Variants in CNTNAP2 observed in about 807,000 individuals in gnomAD.
CNTNAP2 encodes the protein contactin associated protein 2.
Under a neutral mutation model 155.2 loss-of-function variants are expected in CNTNAP2, and 98 were observed. That is an observed-to-expected ratio of 0.63 (90% CI 0.54 to 0.75). CNTNAP2 has a LOEUF of 0.75. Among genes scored for constraint, CNTNAP2 ranks in the 30% least tolerant of loss-of-function variants. The probability of loss-of-function intolerance (pLI) is 0.00; values close to 1 mark genes in which losing one functional copy is unlikely to be tolerated. For synonymous variants in CNTNAP2, 651 were observed against 631.2 expected, an observed-to-expected ratio of 1.03 and a Z score of -0.47; for missense variants, 1,727 against 1,688.1, an observed-to-expected ratio of 1.02 and a Z score of -0.40.
rs528109492 is a variant in CNTNAP2 at position 147,793,708 on chromosome 7, C to T, written c.2099-109857C>T. Among the ~76,000 whole-genome samples the T allele has an allele frequency of 3.3e-5, 5 of 152,130 alleles. No individual in the cohort carries two copies. The East Asian group carries it at 9.6e-4, about 29-fold the overall frequency. On this transcript the variant is annotated intron_variant, in intron 13 of 23. Coordinates refer to ENST00000361727, the MANE Select transcript of CNTNAP2 (RefSeq NM_014141.6). ...AGCTTGTCAATTTCTACAAAGAAAT[C>T]AGGTGGGGATTTAATACAGGTTGCA...
intron 15 of CNTNAP2, among the ~76,000 whole-genome samples, chr7:148,115,106 G>A (rs1229585698): frequency 1.3e-5 from 2 of 152,210 alleles, no homozygotes; most frequent in South Asian, 2.1e-4. Flanking sequence ...CCCCGTGAAT[G>A]AGTCTATTCA....
chr7:147,623,110 G>A (rs573449020), intron 12 of CNTNAP2, among the ~76,000 whole-genome samples: 74 of 151,986 alleles, frequency 4.9e-4, no homozygotes, highest in African/African-American at 1.3e-3. Context: ...TAACAAGATC[G>A]AAGCTATAAT....
rs146606554 is a variant in CNTNAP2, at chr7:148,271,963, A to C, written c.3475+4837A>C. ...TTTATAGGATCAGTTTCTGCTACTC[A>C]GAAACTGATTCTATAAAAGAAAGAG... On this transcript the variant is annotated intron_variant, in intron 21 of 23. Transcript: ENST00000361727. Among the ~76,000 whole-genome samples, 1,038 of 152,250 alleles carry C rather than the reference A, an allele frequency of 6.8e-3. 11 individuals are homozygous for C. Among genetic ancestry groups the C allele is most frequent in the Middle Eastern group, 0.024 (7 of 294 alleles).
At chr7:146,123,836 C>G in intron 1 of CNTNAP2, among the ~76,000 whole-genome samples, 1 of 152,050 alleles carries the variant, frequency 6.6e-6, no homozygotes, top group Middle Eastern at 3.2e-3. Flanking sequence ...ATAGAAAAGG[C>G]TTGAAACCAA....
chr7:147,230,155 T>G (rs1398514224), intron 8 of CNTNAP2, among the ~76,000 whole-genome samples: 1 of 152,214 alleles, frequency 6.6e-6, no homozygotes, highest in Non-Finnish European at 1.5e-5. Flanking sequence ...TAAACTGTTA[T>G]TTACTGAGTT....
At chr7:147,629,721 T>G (rs1795050070) in intron 12 of CNTNAP2, among the ~76,000 whole-genome samples, 1 of 152,036 alleles carries the variant, frequency 6.6e-6, no homozygotes, top group Admixed American at 6.6e-5. Context: ...CACCTGTTCC[T>G]TAATGATCAT....
At chr7:146,151,682 G>GTATATATATATATATGTATA (rs1271837030) in intron 1 of CNTNAP2, among the ~76,000 whole-genome samples, 12 of 74,138 alleles carry the variant, frequency 1.6e-4, no homozygotes, top group South Asian at 5.3e-4. Context: ...ATATATATAT[G>GTATATATATATATATGTATA]TATATATATA....
intron 8 of CNTNAP2, among the ~76,000 whole-genome samples, chr7:147,142,285 T>G (rs1047710084): frequency 2.3e-4 from 35 of 152,160 alleles, no homozygotes; most frequent in African/African-American, 7.7e-4. Flanking sequence ...TAGCATGAAG[T>G]GTTGTTGAAT....
chr7:148,096,279 ATG>A (rs3056207), intron 15 of CNTNAP2, among the ~76,000 whole-genome samples: 9,665 of 144,392 alleles, frequency 0.067, 546 homozygotes, highest in African/African-American at 0.15. Context: ...GCATGCATGC[ATG>A]TGTGTGTGTG....
At chr7:148,157,571 C>CAAGAAAAAAAA (rs1805422424) in intron 17 of CNTNAP2, among the ~76,000 whole-genome samples, 5 of 111,226 alleles carry the variant, frequency 4.5e-5, no homozygotes, top group African/African-American at 1.8e-4. Context: ...GCAGAAGCAG[C>CAAGAAAAAAAA]AAAAAAAAAA....
At chr7:147,923,917 G>A (rs976447857) in intron 14 of CNTNAP2, among the ~76,000 whole-genome samples, 1 of 152,132 alleles carries the variant, frequency 6.6e-6, no homozygotes, top group Non-Finnish European at 1.5e-5. Flanking sequence ...ATAAATCTCT[G>A]TTGTTGGAAG....
intron 15 of CNTNAP2, among the ~76,000 whole-genome samples, chr7:148,018,988 T>G (rs572155641): frequency 6.6e-6 from 1 of 152,366 alleles, no homozygotes; most frequent in African/African-American, 2.4e-5. Context: ...GAAATCACTA[T>G]GTAAAACTGT....
chr7:148,295,915 C>T (rs1163059250), intron 21 of CNTNAP2, among the ~76,000 whole-genome samples: 2 of 152,152 alleles, frequency 1.3e-5, no homozygotes, highest in East Asian at 3.8e-4. Flanking sequence ...CAAGGGTCTT[C>T]CCTCTGCAAG....
At chr7:147,390,655 G>T (rs1330600951) in intron 9 of CNTNAP2, among the ~76,000 whole-genome samples, 1 of 151,998 alleles carries the variant, frequency 6.6e-6, no homozygotes, top group Non-Finnish European at 1.5e-5. Context: ...GGCTTCCCTG[G>T]AGTAAGGGAT....
At chr7:147,864,064 T>C (rs1355665736) in intron 13 of CNTNAP2, among the ~76,000 whole-genome samples, 1 of 152,056 alleles carries the variant, frequency 6.6e-6, no homozygotes, top group Non-Finnish European at 1.5e-5. Flanking sequence ...GTTTCAGGTC[T>C]AACATTTAAG....
intron 1 of CNTNAP2, among the ~76,000 whole-genome samples, chr7:146,619,239 TACA>T (rs1799278964): frequency 4.6e-5 from 7 of 152,190 alleles, no homozygotes; most frequent in South Asian, 2.1e-4. Flanking sequence ...TAATATTCTT[TACA>T]ACATTTGTTA....
chr7:146,317,054 G>A (rs542975683), intron 1 of CNTNAP2, among the ~76,000 whole-genome samples: 61 of 152,226 alleles, frequency 4.0e-4, no homozygotes, highest in Non-Finnish European at 6.6e-4. Context: ...AACTTGGTAC[G>A]TCATAGAGTT....
chr7:146,617,729 T>C (rs531509963), intron 1 of CNTNAP2, among the ~76,000 whole-genome samples: 16 of 152,306 alleles, frequency 1.1e-4, no homozygotes, highest in Admixed American at 2.6e-4. Context: ...TGTAGAATTT[T>C]GAAACAGTAA....
intron 15 of CNTNAP2, among the ~76,000 whole-genome samples, chr7:148,061,938 TAG>T (rs1803149000): frequency 1.2e-4 from 17 of 142,056 alleles, no homozygotes; most frequent in African/African-American, 4.7e-4. Flanking sequence ...GATAGATAGA[TAG>T]ATAGATAAAC....
Sources: allele counts gnomAD v4.1 joint callset (sites outside exome capture counted in the v4.1 genomes callset), GRCh38; gene constraint gnomAD v4.1.1; transcripts MANE v1.5; gene names NCBI Gene and HGNC (gene_info 2026-07-23, HGNC 2026-07-21).